The following ACACA variants were observed in gnomAD, a reference collection of about 807,000 sequenced individuals.
ACACA encodes the protein acetyl-CoA carboxylase 1.
Under a neutral mutation model 296.1 loss-of-function variants are expected in ACACA, and 103 were observed. The ratio of observed to expected loss-of-function variants is 0.35; its 90% CI spans 0.30 to 0.41. ACACA has a LOEUF of 0.41. Ranked by LOEUF, ACACA falls within the 10% of genes least tolerant of loss-of-function variation. The pLI, the probability that ACACA is intolerant of heterozygous loss-of-function variation, is 1.00. For missense variants in ACACA, 1,554 were observed against 2,989.7 expected, an observed-to-expected ratio of 0.52 and a Z score of 11.20; for synonymous variants, 953 against 1,038.6, an observed-to-expected ratio of 0.92 and a Z score of 1.58.
chr17:37,240,361 G>A, intron 24 of ACACA, 115 bp downstream of exon 24: 1 of 816,420 alleles, frequency 1.2e-6, no homozygotes, highest in East Asian at 2.7e-5. Flanking sequence ...TTTATTAATG[G>A]GAAGTGTTGT....
At chr17:37,102,055 A>C (rs1052530227) in intron 52 of ACACA, among the ~76,000 whole-genome samples, 2 of 152,186 alleles carry the variant, frequency 1.3e-5, no homozygotes, top group African/African-American at 4.8e-5. Context: ...GAATACTTCA[A>C]CGTTACTGCG....
intron 24 of ACACA, among the ~76,000 whole-genome samples, chr17:37,238,944 A>T (rs552260171): frequency 9.9e-5 from 15 of 152,236 alleles, no homozygotes; most frequent in Admixed American, 4.6e-4. Context: ...CTCTTGTTTC[A>T]GCCTCTTGAG....
At chr17:37,218,033 T>C (rs745909096) in intron 29 of ACACA, among the ~76,000 whole-genome samples, 1 of 151,184 alleles carries the variant, frequency 6.6e-6, no homozygotes, top group Non-Finnish European at 1.5e-5. Context: ...AAAGCATGCA[T>C]AAAATATTGT....
intron 39 of ACACA, among the ~76,000 whole-genome samples, chr17:37,181,712 A>T (rs2077326065): frequency 6.6e-6 from 1 of 151,920 alleles, no homozygotes; most frequent in Non-Finnish European, 1.5e-5. Context: ...ATCCTGGCTA[A>T]CATGGTGAAA....
Position 37,193,361 on chromosome 17 carries a change from A to T in ACACA, c.4200+13T>A, listed in dbSNP as rs1356859432. On this transcript the variant is annotated intron_variant, in intron 36 of 55. Transcript: ENST00000616317. ...AATTTTTTTTTTTAAATAGGAAAGA[A>T]ATCAATCCTTACCTTATCCCTTGCT... The T allele has an allele frequency of 8.8e-6, 14 of 1,583,818 alleles. No homozygotes were observed. Among genetic ancestry groups the T allele is most frequent in the African/African-American group, 1.3e-5 (1 of 74,166 alleles).
chr17:37,200,134 C>G lies in ACACA; in HGVS notation c.4158+5G>C, dbSNP rs778020873. ...TAATCTTTCATTATTGTTCATTTTA[C>G]TTACATGAAATCTCCGATCCACCTC... On this transcript the variant is annotated splice_donor_5th_base_variant and intron_variant, in intron 35 of 55. Transcript: ENST00000616317. 1 of 1,587,930 alleles carries G rather than the reference C, an allele frequency of 6.3e-7. No homozygotes were observed. The highest frequency in any genetic ancestry group is 8.6e-7 in the Non-Finnish European group (1 of 1,156,358).
intron 1 of ACACA, among the ~76,000 whole-genome samples, chr17:37,391,463 G>T (rs917964475): frequency 6.6e-6 from 1 of 152,048 alleles, no homozygotes; most frequent in African/African-American, 2.4e-5. Flanking sequence ...AGCAATTATT[G>T]GTTCTCATAC....
intron 35 of ACACA, 125 bp from the exon 36 acceptor site, chr17:37,193,540 G>C: frequency 1.4e-6 from 1 of 709,032 alleles, no homozygotes; most frequent in South Asian, 1.8e-5. Context: ...TCTTACCTAA[G>C]CTTAGTCCAG....
chr17:37,334,679 A>G (rs1271964359), intron 2 of ACACA, among the ~76,000 whole-genome samples: 5 of 151,832 alleles, frequency 3.3e-5, no homozygotes, highest in Admixed American at 3.3e-4. Context: ...GCCCTCCCTT[A>G]TCATATTTTT....
intron 29 of ACACA, chr17:37,221,404 G>A (rs906654633): frequency 5.2e-6 from 2 of 381,696 alleles, no homozygotes; most frequent in Non-Finnish European, 9.8e-6. Context: ...TAAAAAGAGT[G>A]ATTTTTCTGG....
At chr17:37,346,037 C>T (rs2048598162) in intron 1 of ACACA, among the ~76,000 whole-genome samples, 1 of 151,980 alleles carries the variant, frequency 6.6e-6, no homozygotes. Context: ...ATAATGGAGC[C>T]CCTGCACTCT....
At chr17:37,366,291 ATTG>A (rs2049598006) in intron 1 of ACACA, among the ~76,000 whole-genome samples, 1 of 151,978 alleles carries the variant, frequency 6.6e-6, no homozygotes, top group Non-Finnish European at 1.5e-5. Context: ...TTCACTCTCT[ATTG>A]TTGTTATTAT....
chr17:37,249,852 T>C (rs2080898191), intron 16 of ACACA, among the ~76,000 whole-genome samples: 1 of 152,186 alleles, frequency 6.6e-6, no homozygotes, highest in Non-Finnish European at 1.5e-5. Flanking sequence ...AATTCTCTTG[T>C]GGTGTGGGAC....
chr17:37,219,281 C>G (rs978309891), intron 29 of ACACA, among the ~76,000 whole-genome samples: 2 of 152,160 alleles, frequency 1.3e-5, no homozygotes, highest in Non-Finnish European at 2.9e-5. Flanking sequence ...TCTGATTCCA[C>G]AGGGAACAAA....
At chr17:37,306,806 T>C (rs781127261) in intron 3 of ACACA, among the ~76,000 whole-genome samples, 2 of 152,128 alleles carry the variant, frequency 1.3e-5, no homozygotes, top group African/African-American at 2.4e-5. Context: ...GGGATTCTCC[T>C]GCCTCAGCCT....
chr17:37,088,776 C>T (rs576304758), intron 55 of ACACA, among the ~76,000 whole-genome samples, 162 bp downstream of exon 55: 1 of 152,322 alleles, frequency 6.6e-6, no homozygotes, highest in South Asian at 2.1e-4. Flanking sequence ...AATTGGGCTT[C>T]AGGCCATATC....
chr17:37,095,739 G>T (rs555223057), intron 54 of ACACA, among the ~76,000 whole-genome samples: 1 of 152,188 alleles, frequency 6.6e-6, no homozygotes, highest in Non-Finnish European at 1.5e-5. Flanking sequence ...ATGCATTTTT[G>T]ATGTAAATGA....
At chr17:37,247,104 C>G in intron 18 of ACACA, 128 bp from the exon 19 acceptor site, 3 of 985,156 alleles carry the variant, frequency 3.0e-6, no homozygotes, top group Non-Finnish European at 3.2e-6. Flanking sequence ...CAGACATATT[C>G]ACTGCATATT....
intron 10 of ACACA, among the ~76,000 whole-genome samples, chr17:37,264,488 G>A (rs1461015180): frequency 1.3e-5 from 2 of 152,086 alleles, no homozygotes; most frequent in African/African-American, 2.4e-5. Context: ...TCCTCAGCTG[G>A]TTTAAGATTT....
Sources: gnomAD v4.1 joint callset for allele counts (sites outside exome capture counted in the v4.1 genomes callset) on GRCh38, gnomAD v4.1.1 for gene constraint, MANE v1.5 for transcripts, NCBI Gene and HGNC (gene_info 2026-07-23, HGNC 2026-07-21) for gene names.